Variants in SRPK2 observed in about 807,000 individuals in gnomAD.
SRPK2 encodes the protein SFRS protein kinase 2.
Under a neutral mutation model 90.8 loss-of-function variants are expected in SRPK2, and 21 were observed. The observed-to-expected ratio is 0.23, with a 90% CI of 0.16 to 0.33. The LOEUF is 0.33. Ranked by LOEUF, SRPK2 falls within the 10% of genes least tolerant of loss-of-function variation. SRPK2 has a pLI of 1.00. For synonymous variants in SRPK2, 288 were observed against 311.1 expected (o/e 0.93, Z 0.78); for missense variants, 620 against 869.0 (o/e 0.71, Z 3.60).
At chr7:105,388,243 G>A (rs1293915311) in intron 2 of SRPK2, among the ~76,000 whole-genome samples, 1 of 151,796 alleles carries the variant, frequency 6.6e-6, no homozygotes, top group African/African-American at 2.4e-5. Context: ...CAACGCAGCC[G>A]CTGCACTCCC....
intron 7 of SRPK2, among the ~76,000 whole-genome samples, chr7:105,158,252 C>T (rs975987643): frequency 6.6e-6 from 1 of 150,822 alleles, no homozygotes; most frequent in Non-Finnish European, 1.5e-5. Flanking sequence ...TCTGTGAATT[C>T]ACCTTTTTTT....
At chr7:105,157,667 C>G (rs2129580973) in intron 7 of SRPK2, among the ~76,000 whole-genome samples, 1 of 152,304 alleles carries the variant, frequency 6.6e-6, no homozygotes, top group East Asian at 1.9e-4. Context: ...GAACAAAGTG[C>G]AGACCACATG....
At chr7:105,198,743 T>C (rs1014385327) in intron 3 of SRPK2, among the ~76,000 whole-genome samples, 4 of 152,198 alleles carry the variant, frequency 2.6e-5, no homozygotes, top group Non-Finnish European at 1.5e-5. Context: ...ATGAACTTCA[T>C]ATATTTCATT....
At chr7:105,369,804 G>T (rs1167773424) in intron 2 of SRPK2, among the ~76,000 whole-genome samples, 2 of 152,110 alleles carry the variant, frequency 1.3e-5, no homozygotes, top group African/African-American at 2.4e-5. Flanking sequence ...GAAGCAGGCG[G>T]ATCGCCTGAG....
At chr7:105,249,952 T>C (rs1802252279) in intron 2 of SRPK2, among the ~76,000 whole-genome samples, 1 of 152,214 alleles carries the variant, frequency 6.6e-6, no homozygotes, top group Non-Finnish European at 1.5e-5. Flanking sequence ...TGTAAATATT[T>C]TTCTCATATG....
chr7:105,246,049 GA>G (rs2129628053), intron 2 of SRPK2, among the ~76,000 whole-genome samples: 1 of 152,292 alleles, frequency 6.6e-6, no homozygotes, highest in African/African-American at 2.4e-5. Context: ...GCTGCAAAAA[GA>G]AAAGCTGGAA....
At chr7:105,204,806 G>C (rs2237613) in intron 2 of SRPK2, 156,132 of 512,324 alleles carry the variant, frequency 0.3, 24,885 homozygotes, top group Non-Finnish European at 0.33. Context: ...CCCAGCATGC[G>C]CCCTATTTTA....
At chr7:105,370,028 A>AAACAACAACAAC (rs10694399) in intron 2 of SRPK2, among the ~76,000 whole-genome samples, 1,553 of 150,220 alleles carry the variant, frequency 0.01, 21 homozygotes, top group African/African-American at 0.026. Context: ...ACTCCATCTC[A>AAACAACAACAAC]AACAACAACA....
At chr7:105,199,265 T>C (rs1268392700) in intron 3 of SRPK2, among the ~76,000 whole-genome samples, 1 of 152,230 alleles carries the variant, frequency 6.6e-6, no homozygotes, top group African/African-American at 2.4e-5. Context: ...AATTTTATTT[T>C]TAAAAAGAAA....
intron 2 of SRPK2, among the ~76,000 whole-genome samples, chr7:105,387,591 A>C (rs975257293): frequency 6.6e-6 from 1 of 151,596 alleles, no homozygotes; most frequent in Non-Finnish European, 1.5e-5. Context: ...CGAGAAGGGG[A>C]AAAAAGTGAG....
At chr7:105,386,691 T>C (rs565836646) in intron 2 of SRPK2, among the ~76,000 whole-genome samples, 108 of 152,334 alleles carry the variant, frequency 7.1e-4, no homozygotes, top group Non-Finnish European at 1.3e-3. Context: ...CACTCCAGCC[T>C]GAGCGACAAG....
intron 2 of SRPK2, among the ~76,000 whole-genome samples, chr7:105,300,807 C>T (rs1310723108): frequency 2.0e-5 from 3 of 152,054 alleles, no homozygotes; most frequent in Non-Finnish European, 2.9e-5. Flanking sequence ...AAATCAAAAC[C>T]ACAACGAGAT....
chr7:105,236,304 T>C (rs748069839), intron 2 of SRPK2, among the ~76,000 whole-genome samples: 7 of 152,248 alleles, frequency 4.6e-5, no homozygotes, highest in Non-Finnish European at 1.0e-4. Flanking sequence ...TTATGGACAG[T>C]AGTGTTTTCA....
chr7:105,313,299 T>G (rs560283088), intron 2 of SRPK2, among the ~76,000 whole-genome samples: 1 of 150,886 alleles, frequency 6.6e-6, no homozygotes, highest in South Asian at 2.1e-4. Context: ...ACAAAAAAAT[T>G]AGCAGGGTGT....
At chr7:105,262,608 T>C (rs569492723) in intron 2 of SRPK2, among the ~76,000 whole-genome samples, 2 of 152,314 alleles carry the variant, frequency 1.3e-5, no homozygotes, top group African/African-American at 4.8e-5. Context: ...CCACGGCCTC[T>C]AGTACCCAGT....
Position 105,241,680 on chromosome 7 carries a change from T to C in SRPK2, c.72-37895A>G, listed in dbSNP as rs550859503. On this transcript the variant is annotated intron_variant, in intron 2 of 15. Coordinates refer to ENST00000393651, the MANE Select transcript of SRPK2 (RefSeq NM_182692.3). Reference sequence around the variant, plus strand: ...TTTCAGCTCTAACAATCTACAAATCTATCATCACGCAACAATCTATTCCTT... The same window carrying C: ...TTTCAGCTCTAACAATCTACAAATCCATCATCACGCAACAATCTATTCCTT... 2.6e-5 allele frequency among the ~76,000 whole-genome samples: 4 copies of C among 152,326 alleles called. No homozygotes were observed. In the South Asian group the frequency reaches 8.3e-4, roughly 32 times the overall value.
chr7:105,141,279 C>T (rs1013653604), intron 11 of SRPK2, among the ~76,000 whole-genome samples: 1 of 152,156 alleles, frequency 6.6e-6, no homozygotes, highest in Non-Finnish European at 1.5e-5. Context: ...ATTTTACTCG[C>T]TGTGTGTTAA....
At chr7:105,242,933 C>T (rs761907441) in intron 2 of SRPK2, among the ~76,000 whole-genome samples, 46 of 152,218 alleles carry the variant, frequency 3.0e-4, no homozygotes, top group Non-Finnish European at 4.8e-4. Context: ...AAATCTACTT[C>T]TGTATTTTAT....
rs201992188 is a variant in SRPK2, at chr7:105,235,726, C to CT, written c.72-31942dup. Among the ~76,000 whole-genome samples the CT allele has an allele frequency of 3.3e-5, 5 of 151,600 alleles. No individual in the cohort carries two copies. The East Asian group carries it at 7.7e-4, about 23-fold the overall frequency. Reference sequence around the variant, plus strand: ...ATTAACAAAACAGGTGTTAAAATATCTTTAAAAAAAAAACTATTTCTACTA... The same window carrying CT: ...ATTAACAAAACAGGTGTTAAAATATCTTTTAAAAAAAAAACTATTTCTACTA... On this transcript the variant is annotated intron_variant, in intron 2 of 15. Transcript: ENST00000393651.
Sources: allele counts gnomAD v4.1 joint callset (sites outside exome capture counted in the v4.1 genomes callset), GRCh38; gene constraint gnomAD v4.1.1; transcripts MANE v1.5; gene names NCBI Gene and HGNC (gene_info 2026-07-23, HGNC 2026-07-21).